The following GRIP1 variants were observed in gnomAD, a reference collection of about 807,000 sequenced individuals.
GRIP1 encodes the protein glutamate receptor interacting protein 1.
A neutral mutation model predicts 129.9 loss-of-function variants in GRIP1; 45 were observed. That is an observed-to-expected ratio of 0.35 (90% CI 0.27 to 0.44). GRIP1 has a LOEUF of 0.44. GRIP1 is among the 20% of genes least tolerant of loss of function. The pLI is 1.00. For synonymous variants in GRIP1, 530 were observed against 520.8 expected (o/e 1.02, Z -0.24); for missense variants, 1,196 against 1,396.8 (o/e 0.86, Z 2.29).
chr12:66,908,932 C>T (rs982317054), intron 1 of GRIP1, among the ~76,000 whole-genome samples: 1 of 152,200 alleles, frequency 6.6e-6, no homozygotes, highest in African/African-American at 2.4e-5. Flanking sequence ...CTGCCTCAGA[C>T]ATAGTAACTC....
At chr12:66,719,951 G>T (rs1263341430) in intron 1 of GRIP1, among the ~76,000 whole-genome samples, 1 of 152,134 alleles carries the variant, frequency 6.6e-6, no homozygotes, top group South Asian at 2.1e-4. Context: ...TTTGGAGCAG[G>T]TATTAATCTG....
At chr12:66,471,006 T>G (rs1329367229) in intron 7 of GRIP1, among the ~76,000 whole-genome samples, 1 of 152,164 alleles carries the variant, frequency 6.6e-6, no homozygotes, top group Non-Finnish European at 1.5e-5. Flanking sequence ...CTTTTCATCA[T>G]TGTCCTCCCT....
At chr12:66,718,979 C>A (rs2035977458) in intron 1 of GRIP1, among the ~76,000 whole-genome samples, 1 of 152,024 alleles carries the variant, frequency 6.6e-6, no homozygotes, top group African/African-American at 2.4e-5. Context: ...GATCTAGACA[C>A]CTGCAGAACA....
chr12:66,996,736 T>C (rs1487575069), intron 1 of GRIP1, among the ~76,000 whole-genome samples: 3 of 152,182 alleles, frequency 2.0e-5, no homozygotes, highest in Non-Finnish European at 4.4e-5. Flanking sequence ...CCATACCCCA[T>C]TGTTTCCACT....
chr12:66,624,836 A>G (rs1417260183), intron 1 of GRIP1, among the ~76,000 whole-genome samples: 1 of 152,126 alleles, frequency 6.6e-6, no homozygotes, highest in Non-Finnish European at 1.5e-5. Context: ...TTCCAATTTA[A>G]CTTGTTCCAG....
intron 1 of GRIP1, among the ~76,000 whole-genome samples, chr12:67,033,128 C>A (rs1005780560): frequency 1.3e-5 from 2 of 151,798 alleles, no homozygotes; most frequent in Non-Finnish European, 2.9e-5. Context: ...ACTCACTTTT[C>A]AAGAAAAATA....
At chr12:66,668,436 A>G (rs1592722371) in intron 1 of GRIP1, among the ~76,000 whole-genome samples, 1 of 152,336 alleles carries the variant, frequency 6.6e-6, no homozygotes, top group East Asian at 1.9e-4. Context: ...GAATTTTGTC[A>G]TGCAGAATTA....
chr12:67,002,881 A>G (rs2042572298), intron 1 of GRIP1, among the ~76,000 whole-genome samples: 1 of 152,132 alleles, frequency 6.6e-6, no homozygotes, highest in Non-Finnish European at 1.5e-5. Flanking sequence ...GCTTTTTGCC[A>G]TAAGGGAAGG....
chr12:66,435,089 G>A (rs537956643), intron 13 of GRIP1, among the ~76,000 whole-genome samples: 13 of 152,288 alleles, frequency 8.5e-5, no homozygotes, highest in African/African-American at 2.6e-4. Flanking sequence ...AAGTGTTTAC[G>A]GGCATAGCAG....
chr12:66,844,558 C>T (rs2039779483), intron 1 of GRIP1, among the ~76,000 whole-genome samples: 1 of 152,118 alleles, frequency 6.6e-6, no homozygotes, highest in Non-Finnish European at 1.5e-5. Flanking sequence ...ATGACTTCTC[C>T]TCAAAAACTT....
At chr12:66,706,954 C>G (rs557486079) in intron 1 of GRIP1, among the ~76,000 whole-genome samples, 39 of 149,712 alleles carry the variant, frequency 2.6e-4, no homozygotes, top group Non-Finnish European at 3.0e-5. Context: ...TGTAACAAAC[C>G]TGCACGTTCT....
chr12:66,555,884 A>G (rs2062313087), intron 2 of GRIP1, among the ~76,000 whole-genome samples: 1 of 151,608 alleles, frequency 6.6e-6, no homozygotes, highest in Admixed American at 6.6e-5. Flanking sequence ...CAAAAGAAAA[A>G]AGAATGAAAA....
At chr12:66,691,104 T>C (rs2034968653) in intron 1 of GRIP1, among the ~76,000 whole-genome samples, 2 of 152,162 alleles carry the variant, frequency 1.3e-5, no homozygotes, top group South Asian at 4.1e-4. Flanking sequence ...TTTCATTTTA[T>C]GAGATTTTTG....
At chr12:66,444,271 G>A (rs981714143) in intron 13 of GRIP1, among the ~76,000 whole-genome samples, 8 of 151,706 alleles carry the variant, frequency 5.3e-5, no homozygotes, top group Non-Finnish European at 1.2e-4. Flanking sequence ...TGGATCATGA[G>A]GTCAGGAGAT....
intron 1 of GRIP1, among the ~76,000 whole-genome samples, chr12:66,836,314 C>T (rs1042777642): frequency 1.3e-5 from 2 of 152,158 alleles, no homozygotes; most frequent in African/African-American, 4.8e-5. Context: ...CAAGAAGATG[C>T]CTGCTTCCCC....
At chr12:67,054,185 T>C (rs187563153) in intron 1 of GRIP1, among the ~76,000 whole-genome samples, 190 of 152,350 alleles carry the variant, frequency 1.2e-3, no homozygotes, top group Middle Eastern at 6.8e-3. Flanking sequence ...CTAAAAGCAA[T>C]GGAAATCTTA....
rs139318281 is a variant in GRIP1, at chr12:66,628,890, AT to A, written c.56-31964del. On this transcript the variant is annotated intron_variant, in intron 1 of 24. Transcript: ENST00000359742. Reference sequence around the variant, plus strand: ...AATCACAGTTTAGAGTTAGGCATCTATTTTTTACCCCACCAAACTATGAATT... The same window carrying A: ...AATCACAGTTTAGAGTTAGGCATCTATTTTTACCCCACCAAACTATGAATT... 3.5e-3 allele frequency among the ~76,000 whole-genome samples: 531 copies of A among 152,216 alleles called. 2 individuals are homozygous for A. The highest frequency in any genetic ancestry group is 0.012 in the African/African-American group (504 of 41,528).
At chr12:66,773,487 C>T (rs2037884223) in intron 1 of GRIP1, among the ~76,000 whole-genome samples, 1 of 152,100 alleles carries the variant, frequency 6.6e-6, no homozygotes, top group African/African-American at 2.4e-5. Context: ...TGTTCTTGCT[C>T]ATAAGTGGGA....
chr12:66,586,850 G>C (rs2139674850), intron 2 of GRIP1, among the ~76,000 whole-genome samples: 1 of 152,180 alleles, frequency 6.6e-6, no homozygotes, highest in East Asian at 1.9e-4. Flanking sequence ...CTGCTAACTG[G>C]TCTTCTTGTT....
Sources: allele counts gnomAD v4.1 joint callset (sites outside exome capture counted in the v4.1 genomes callset), GRCh38; gene constraint gnomAD v4.1.1; transcripts MANE v1.5; gene names NCBI Gene and HGNC (gene_info 2026-07-23, HGNC 2026-07-21).